Variants in PRKG1 observed in about 807,000 individuals in gnomAD.
PRKG1 encodes the protein protein kinase cGMP-dependent 1, also known as cGMP-dependent protein kinase 1.
A neutral mutation model predicts 88.1 loss-of-function variants in PRKG1; 35 were observed. That is an observed-to-expected ratio of 0.40 (90% CI 0.30 to 0.53). PRKG1 has a LOEUF of 0.53. PRKG1 is among the 20% of genes least tolerant of loss of function. PRKG1 has a pLI of 0.59. For synonymous variants in PRKG1, 303 were observed against 292.5 expected, an observed-to-expected ratio of 1.04 and a Z score of -0.37; for missense variants, 540 against 839.8, an observed-to-expected ratio of 0.64 and a Z score of 4.41.
intron 2 of PRKG1, among the ~76,000 whole-genome samples, chr10:51,255,960 T>C (rs1589284454): frequency 1.3e-5 from 2 of 152,132 alleles, no homozygotes; most frequent in East Asian, 3.9e-4. Flanking sequence ...CAGAGAAGAC[T>C]TCTAATGGGT....
chr10:51,627,986 TTCTTTCTC>T (rs764558780), intron 3 of PRKG1, among the ~76,000 whole-genome samples: 774 of 35,854 alleles, frequency 0.022, 24 homozygotes, highest in East Asian at 0.046. Context: ...CTTTCTTTCT[TTCTTTCTC>T]TCTCTCTCTC....
At chr10:51,640,974 C>G (rs185236889) in intron 3 of PRKG1, among the ~76,000 whole-genome samples, 29 of 152,000 alleles carry the variant, frequency 1.9e-4, no homozygotes, top group African/African-American at 7.0e-4. Flanking sequence ...GTAACCCTGA[C>G]TATACTGTCA....
At chr10:51,917,716 G>T (rs930201716) in intron 5 of PRKG1, among the ~76,000 whole-genome samples, 2 of 152,150 alleles carry the variant, frequency 1.3e-5, no homozygotes, top group Admixed American at 1.3e-4. Flanking sequence ...TGATTTAGTG[G>T]TTGAACAATA....
intron 1 of PRKG1, among the ~76,000 whole-genome samples, chr10:51,145,660 A>T (rs1212265528): frequency 6.6e-6 from 1 of 152,172 alleles, no homozygotes; most frequent in Non-Finnish European, 1.5e-5. Flanking sequence ...GTTGAATGGG[A>T]GACTTTTAAT....
At chr10:52,219,983 T>G (rs1426630397) in intron 9 of PRKG1, among the ~76,000 whole-genome samples, 3 of 152,188 alleles carry the variant, frequency 2.0e-5, no homozygotes, top group African/African-American at 7.2e-5. Flanking sequence ...TATTTGCCTC[T>G]GTAAATAAAT....
intron 3 of PRKG1, among the ~76,000 whole-genome samples, chr10:51,749,345 C>A (rs982422330): frequency 1.3e-5 from 2 of 152,124 alleles, no homozygotes; most frequent in African/African-American, 4.8e-5. Flanking sequence ...AAGTCTGAGA[C>A]CAGGCTGCCA....
At chr10:52,019,121 T>C (rs921326561) in intron 5 of PRKG1, among the ~76,000 whole-genome samples, 1 of 152,134 alleles carries the variant, frequency 6.6e-6, no homozygotes, top group African/African-American at 2.4e-5. Flanking sequence ...TACCAGGCTC[T>C]ATATAACAAC....
At chr10:51,125,834 T>C (rs1845383405) in intron 1 of PRKG1, among the ~76,000 whole-genome samples, 1 of 142,144 alleles carries the variant, frequency 7.0e-6, no homozygotes, top group Non-Finnish European at 1.5e-5. Flanking sequence ...ATATGTAATT[T>C]ATATAATTTA....
chr10:51,222,557 T>C (rs187395643), intron 2 of PRKG1, among the ~76,000 whole-genome samples: 2 of 152,260 alleles, frequency 1.3e-5, no homozygotes, highest in East Asian at 3.9e-4. Flanking sequence ...TTTAATAAGG[T>C]TGAGAAGTTT....
chr10:51,052,206 AT>A (rs1414648714), intron 1 of PRKG1, among the ~76,000 whole-genome samples: 1 of 152,214 alleles, frequency 6.6e-6, no homozygotes, highest in Non-Finnish European at 1.5e-5. Flanking sequence ...AACCACTAGT[AT>A]TGGACTGTAG....
chr10:51,567,728 T>A (rs911970939), intron 3 of PRKG1, among the ~76,000 whole-genome samples: 2 of 151,970 alleles, frequency 1.3e-5, no homozygotes, highest in African/African-American at 2.4e-5. Context: ...CTGAAACTAC[T>A]GGCCTGCACC....
At chr10:51,523,421 A>G (rs1476929570) in intron 3 of PRKG1, among the ~76,000 whole-genome samples, 2 of 152,232 alleles carry the variant, frequency 1.3e-5, no homozygotes, top group African/African-American at 4.8e-5. Flanking sequence ...CTCATTGAAC[A>G]TACAGCAAAT....
At chr10:51,459,024 T>C (rs1216235779) in intron 2 of PRKG1, among the ~76,000 whole-genome samples, 2 of 152,148 alleles carry the variant, frequency 1.3e-5, no homozygotes, top group African/African-American at 4.8e-5. Flanking sequence ...TTTGACATCT[T>C]GTGAAATGAC....
chr10:51,576,945 A>G (rs1837903854), intron 3 of PRKG1, among the ~76,000 whole-genome samples: 1 of 151,960 alleles, frequency 6.6e-6, no homozygotes, highest in African/African-American at 2.4e-5. Flanking sequence ...TATTAGCAAA[A>G]TGTACAATAC....
At chr10:51,697,926 C>G (rs202146491) in intron 3 of PRKG1, 1 of 1,599,156 alleles carries the variant, frequency 6.3e-7, no homozygotes, top group Non-Finnish European at 8.5e-7. Flanking sequence ...CCTTGTATAC[C>G]TCCTCCTTGT....
chr10:51,102,188 G>C (rs1844703414), intron 1 of PRKG1, among the ~76,000 whole-genome samples: 4 of 152,284 alleles, frequency 2.6e-5, no homozygotes, highest in South Asian at 2.1e-4. Flanking sequence ...TAACTAGTAA[G>C]TGATGAATTT....
At chr10:51,286,970 G>A (rs767823883) in intron 2 of PRKG1, among the ~76,000 whole-genome samples, 4 of 152,012 alleles carry the variant, frequency 2.6e-5, no homozygotes, top group African/African-American at 4.8e-5. Context: ...TTGACTTTTC[G>A]GGTTTAAAGT....
intron 9 of PRKG1, among the ~76,000 whole-genome samples, chr10:52,166,846 T>G: frequency 9.0e-6 from 1 of 110,972 alleles, no homozygotes. Flanking sequence ...TATGTATATA[T>G]ATGTCTATAT....
intron 2 of PRKG1, among the ~76,000 whole-genome samples, chr10:51,349,051 C>A (rs944815782): frequency 6.6e-6 from 1 of 152,110 alleles, no homozygotes; most frequent in Non-Finnish European, 1.5e-5. Context: ...ACCTGGTGTG[C>A]CCAAGTGTTG....
Sources: gnomAD v4.1 joint callset for allele counts (sites outside exome capture counted in the v4.1 genomes callset) on GRCh38, gnomAD v4.1.1 for gene constraint, MANE v1.5 for transcripts, NCBI Gene and HGNC (gene_info 2026-07-23, HGNC 2026-07-21) for gene names.